The following EPHB1 variants were observed in gnomAD, a reference collection of about 807,000 sequenced individuals.
EPHB1 encodes the protein EPH receptor B1.
In EPHB1, 30 loss-of-function variants were observed where a neutral mutation model predicts 94.4. The observed-to-expected ratio is 0.32, with a 90% CI of 0.24 to 0.43. The LOEUF (loss-of-function observed/expected upper bound fraction) is 0.43, where lower values mean the gene tolerates loss of function less well. Ranked by LOEUF, EPHB1 falls within the 20% of genes least tolerant of loss-of-function variation. The pLI, the probability that EPHB1 is intolerant of heterozygous loss-of-function variation, is 1.00. For missense variants in EPHB1, 1,055 were observed against 1,308.3 expected, an observed-to-expected ratio of 0.81 and a Z score of 2.99; for synonymous variants, 522 against 489.1, an observed-to-expected ratio of 1.07 and a Z score of -0.89.
At chr3:134,968,713 C>G (rs1933857724) in intron 3 of EPHB1, among the ~76,000 whole-genome samples, 1 of 152,288 alleles carries the variant, frequency 6.6e-6, no homozygotes, top group South Asian at 2.1e-4. Context: ...TGCTACCCCT[C>G]TATAGTCTCC....
At chr3:135,183,000 C>CTTTTCTT (rs200428522) in intron 10 of EPHB1, among the ~76,000 whole-genome samples, 17 of 65,576 alleles carry the variant, frequency 2.6e-4, no homozygotes, top group Admixed American at 2.4e-3. Context: ...CTTTTCTTTT[C>CTTTTCTT]TTTTCTTTTC....
intron 1 of EPHB1, among the ~76,000 whole-genome samples, chr3:134,921,786 T>A (rs1253379349): frequency 6.6e-6 from 1 of 152,210 alleles, no homozygotes; most frequent in Non-Finnish European, 1.5e-5. Flanking sequence ...TTTATTTCAC[T>A]CAGCCTCACC....
intron 1 of EPHB1, among the ~76,000 whole-genome samples, chr3:134,879,912 GA>G (rs2037693780): frequency 6.6e-6 from 1 of 151,988 alleles, no homozygotes; most frequent in African/African-American, 2.4e-5. Flanking sequence ...AATGAGGCCA[GA>G]AAAAAACGAT....
chr3:135,241,425 G>A, intron 13 of EPHB1, 128 bp downstream of exon 13: 1 of 1,185,450 alleles, frequency 8.4e-7, no homozygotes, highest in Non-Finnish European at 1.2e-6. Context: ...CAGGGTAGGG[G>A]ATACAGGGAC....
At chr3:134,886,046 T>G (rs547733306) in intron 1 of EPHB1, among the ~76,000 whole-genome samples, 6 of 152,226 alleles carry the variant, frequency 3.9e-5, no homozygotes, top group Non-Finnish European at 7.4e-5. Context: ...AAAGTTTCCT[T>G]GGGGGAAGGT....
chr3:134,902,659 G>A (rs2038227034), intron 1 of EPHB1, among the ~76,000 whole-genome samples: 1 of 152,198 alleles, frequency 6.6e-6, no homozygotes, highest in Admixed American at 6.5e-5. Context: ...GATAGTGGAA[G>A]TATAACTGTA....
At chr3:135,114,728 G>GATAAATAAATAAATAAATAA (rs67059261) in intron 4 of EPHB1, among the ~76,000 whole-genome samples, 11 of 133,700 alleles carry the variant, frequency 8.2e-5, no homozygotes, top group East Asian at 2.2e-4. Context: ...GTCTCAGATA[G>GATAAATAAATAAATAAATAA]ATAAATAAAT....
chr3:135,064,462 C>T (rs149472122), intron 3 of EPHB1, among the ~76,000 whole-genome samples: 5 of 152,132 alleles, frequency 3.3e-5, no homozygotes, highest in African/African-American at 1.2e-4. Context: ...TCCATTTCTT[C>T]TAGGTTTTCG....
At chr3:134,806,836 A>G (rs7632466) in intron 1 of EPHB1, among the ~76,000 whole-genome samples, 20,925 of 152,062 alleles carry the variant, frequency 0.14, 3,658 homozygotes, top group African/African-American at 0.41. Context: ...GGCATGAAAA[A>G]GACAAATAAT....
Position 135,005,501 on chromosome 3 carries a change from T to C in EPHB1, c.805+53449T>C, listed in dbSNP as rs532241463. Among the ~76,000 whole-genome samples, 959 of 152,318 alleles carry C rather than the reference T, an allele frequency of 6.3e-3. 6 individuals carry two copies. Among genetic ancestry groups the C allele is most frequent in the African/African-American group, 0.02 (825 of 41,568 alleles). On this transcript the variant is annotated intron_variant, in intron 3 of 15. Coordinates refer to ENST00000398015, the MANE Select transcript of EPHB1 (RefSeq NM_004441.5). ...TGGGCTCCACCCAGTTAGAGCTTCC[T>C]GGCTGCTTTGTTTACCTAAGCAAGC... is the stretch of plus-strand genomic sequence containing the variant.
chr3:135,085,420 C>T lies in EPHB1; in HGVS notation c.806-21028C>T, dbSNP rs1040213544. Among the ~76,000 whole-genome samples, 3 of 152,216 alleles carry T rather than the reference C, an allele frequency of 2.0e-5. No individual in the cohort carries two copies. The East Asian group carries it at 5.8e-4, about 29-fold the overall frequency. On this transcript the variant is annotated intron_variant, in intron 3 of 15. Coordinates refer to ENST00000398015, the MANE Select transcript of EPHB1 (RefSeq NM_004441.5). ...TGCAGGTTTCTGGTCGGTGTCAACA[C>T]ATGGAAAGCTTCTGGAGGGCTGAAG...
At chr3:135,050,507 G>T (rs1364939170) in intron 3 of EPHB1, among the ~76,000 whole-genome samples, 1 of 152,184 alleles carries the variant, frequency 6.6e-6, no homozygotes, top group African/African-American at 2.4e-5. Flanking sequence ...AAGGTGAGTG[G>T]CTTTTGATTA....
At chr3:134,941,926 G>T (rs543492513) in intron 2 of EPHB1, among the ~76,000 whole-genome samples, 1 of 152,166 alleles carries the variant, frequency 6.6e-6, no homozygotes, top group Non-Finnish European at 1.5e-5. Flanking sequence ...AGACCTGAAA[G>T]TGTCTTTCTC....
rs191963793 is a variant in EPHB1 at position 135,215,271 on chromosome 3, C to T, written c.2346+13582C>T. 3.2e-3 allele frequency among the ~76,000 whole-genome samples: 485 copies of T among 152,096 alleles called. 4 individuals are homozygous for T. Among genetic ancestry groups the T allele is most frequent in the African/African-American group, 0.011 (463 of 41,476 alleles). On this transcript the variant is annotated intron_variant, in intron 12 of 15. Coordinates refer to ENST00000398015, the MANE Select transcript of EPHB1 (RefSeq NM_004441.5). The stretch of plus-strand genomic sequence containing the variant: ...CTCCACCTCCTGGGTTCAAGTGATT[C>T]TCCTGCCTCAGCCTCCCGAGTAGCT...
At position 134,951,775 on chromosome 3, in the gene EPHB1, T is replaced by G; in HGVS notation, c.528T>G (p.Ala176=). ...GPLTRNGFYL[A]FQDYGACMSL... is the part of the protein sequence containing the mutation. Reference sequence around the variant, plus strand: ...TTACTCGGAATGGTTTTTACCTCGCTTTTCAGGATTATGGAGCCTGTATGT... The same window carrying G: ...TTACTCGGAATGGTTTTTACCTCGCGTTTCAGGATTATGGAGCCTGTATGT... Residue 176 remains alanine, a synonymous_variant, in exon 3 of 16, where the codon GCT becomes GCG. Coordinates refer to ENST00000398015, the MANE Select transcript of EPHB1 (RefSeq NM_004441.5). The surrounding 1 kb of genome is among the most constrained non-coding windows in gnomAD (Gnocchi z 4.5). The G allele has an allele frequency of 1.2e-6, 2 of 1,614,062 alleles. No individual in the cohort carries two copies. Among genetic ancestry groups the G allele is most frequent in the Non-Finnish European group, 1.7e-6 (2 of 1,179,904 alleles).
At chr3:135,054,573 C>A (rs1937294597) in intron 3 of EPHB1, among the ~76,000 whole-genome samples, 1 of 152,160 alleles carries the variant, frequency 6.6e-6, no homozygotes, top group South Asian at 2.1e-4. Context: ...GCTAACCCCC[C>A]CATTATTGTT....
At chr3:135,080,957 C>T (rs73864249) in intron 3 of EPHB1, among the ~76,000 whole-genome samples, 1,588 of 152,276 alleles carry the variant, frequency 0.01, 24 homozygotes, top group African/African-American at 0.037. Context: ...CAGCCTCTAG[C>T]ACAGTGCTTG....
At chr3:135,171,485 T>C (rs374850387) in intron 9 of EPHB1, among the ~76,000 whole-genome samples, 4 of 152,172 alleles carry the variant, frequency 2.6e-5, no homozygotes, top group East Asian at 1.9e-4. Flanking sequence ...AGGTAACATT[T>C]GGAGAGCATA....
chr3:134,911,310 A>T (rs2038448042), intron 1 of EPHB1, among the ~76,000 whole-genome samples: 1 of 152,200 alleles, frequency 6.6e-6, no homozygotes, highest in Non-Finnish European at 1.5e-5. Flanking sequence ...AAAAGGCAGC[A>T]CAGAATGCAA....
Sources: allele counts gnomAD v4.1 joint callset (sites outside exome capture counted in the v4.1 genomes callset), GRCh38; gene constraint gnomAD v4.1.1; non-coding constraint Gnocchi (gnomAD v3.1); transcripts MANE v1.5; gene names NCBI Gene and HGNC (gene_info 2026-07-23, HGNC 2026-07-21).